The following GSTO1 variants were observed in gnomAD, a reference collection of about 807,000 sequenced individuals.
GSTO1 encodes the protein glutathione S-transferase omega 1.
GSTO1 carries 27 observed loss-of-function variants against 23.8 expected under a neutral mutation model. The ratio of observed to expected loss-of-function variants is 1.13; its 90% CI spans 0.83 to 1.56. The LOEUF is 1.56. GSTO1 is among the 40% of genes most tolerant of loss of function. The pLI is 0.00. For synonymous variants in GSTO1, 105 were observed against 109.3 expected (o/e 0.96, Z 0.25); for missense variants, 255 against 285.8 (o/e 0.89, Z 0.78).
chr10:104,267,241 T>C lies in GSTO1; in HGVS notation c.573-11T>C, dbSNP rs2011202914. On this transcript the variant is annotated splice_polypyrimidine_tract_variant and intron_variant, in intron 5 of 5. Coordinates refer to ENST00000369713, the MANE Select transcript of GSTO1 (RefSeq NM_004832.3). ...CTAGCTCACACCTTTCATTTTTTCC[T>C]CTTCCCACAGGTGTGTAGACCACAC... 1 of 1,596,830 alleles carries C rather than the reference T, an allele frequency of 6.3e-7. No individual in the cohort carries two copies. The highest frequency in any genetic ancestry group is 8.5e-7 in the Non-Finnish European group (1 of 1,170,984).
At chr10:104,264,699 A>C (rs12241913) in intron 4 of GSTO1, among the ~76,000 whole-genome samples, 11,233 of 152,274 alleles carry the variant, frequency 0.074, 1,390 homozygotes, top group African/African-American at 0.26. Context: ...TGAAAATATC[A>C]TAAGTGGAAA....
At chr10:104,254,760 C>CT (rs1455638631), upstream of GSTO1, 1 of 683,810 alleles carries the variant, frequency 1.5e-6, no homozygotes, top group East Asian at 2.7e-5. Context: ...GTTTTAAGGG[C>CT]TATCCCATAA....
At chr10:104,263,197 C>A in intron 4 of GSTO1, 120 bp downstream of exon 4, 1 of 532,264 alleles carries the variant, frequency 1.9e-6, no homozygotes, top group Non-Finnish European at 3.4e-6. Flanking sequence ...TAGGAAAATT[C>A]CCCTAAACAT....
chr10:104,255,321 C>CA (rs1300899754), intron 2 of GSTO1, 50 bp downstream of exon 2: 2 of 1,285,302 alleles, frequency 1.6e-6, no homozygotes, highest in Admixed American at 3.4e-5. Flanking sequence ...GAGCCTGCTG[C>CA]AGGCGGCGGG....
rs564793228 is a variant in GSTO1 at position 104,262,297 on chromosome 10, C to A, written c.367-682C>A. On this transcript the variant is annotated intron_variant, in intron 3 of 5. Coordinates refer to ENST00000369713, the MANE Select transcript of GSTO1 (RefSeq NM_004832.3). ...GCATCTGGTGCTCAGCTTGGACTGG[C>A]AGCAGTGAGTGCTTCCCATTAGGCC... Among the ~76,000 whole-genome samples, 5 of 152,326 alleles carry A rather than the reference C, an allele frequency of 3.3e-5. No homozygotes were observed. In the South Asian group the frequency reaches 1.0e-3, roughly 32 times the overall value.
Position 104,267,297 on chromosome 10 carries a change from G to C in GSTO1, c.618G>C (p.Met206Ile), listed in dbSNP as rs532141559. ...TPKLKLWMAA[M>I]KEDPTVSALL... ...AACTGAAACTGTGGATGGCAGCCAT[G>C]AAGGAAGATCCCACAGTCTCAGCCC... The change falls in exon 6 of 6, where the codon ATG becomes ATC. Residue 206 changes from methionine to isoleucine, a missense_variant. Physicochemically the swap from Met to Ile is conservative, Grantham distance 10. Coordinates refer to ENST00000369713, the MANE Select transcript of GSTO1 (RefSeq NM_004832.3). 6.2e-7 allele frequency: 1 copy of C among 1,613,488 alleles called. No homozygotes were observed. The highest frequency in any genetic ancestry group is 2.2e-5 in the East Asian group (1 of 44,876).
chr10:104,262,097 AT>A (rs1344090492), intron 3 of GSTO1, among the ~76,000 whole-genome samples: 1 of 152,220 alleles, frequency 6.6e-6, no homozygotes, highest in Non-Finnish European at 1.5e-5. Flanking sequence ...GCTTGGTGGG[AT>A]ATCTGCTTAA....
chr10:104,264,755 G>A (rs1030313019), intron 4 of GSTO1, among the ~76,000 whole-genome samples: 2 of 152,186 alleles, frequency 1.3e-5, no homozygotes, highest in Non-Finnish European at 2.9e-5. Flanking sequence ...GCTTAGCCTA[G>A]CCTGCTTTAA....
At chr10:104,255,314 C>G (rs1184787432) in intron 2 of GSTO1, 43 bp downstream of exon 2, 1 of 1,351,992 alleles carries the variant, frequency 7.4e-7, no homozygotes, top group Non-Finnish European at 1.1e-6. Context: ...CGTCCGGGAG[C>G]CTGCTGCAGG....
chr10:104,263,415 A>G (rs2011155029), intron 4 of GSTO1, among the ~76,000 whole-genome samples: 1 of 151,442 alleles, frequency 6.6e-6, no homozygotes. Flanking sequence ...TTGTCCATAT[A>G]TTTAAAAAAA....
chr10:104,254,617 A>C, upstream of GSTO1: 1 of 469,892 alleles, frequency 2.1e-6, no homozygotes, highest in South Asian at 2.1e-5. Context: ...TCAGACGTGG[A>C]GCCCCGTGGA....
At chr10:104,264,297 C>A (rs576492693) in intron 4 of GSTO1, among the ~76,000 whole-genome samples, 86 of 151,910 alleles carry the variant, frequency 5.7e-4, no homozygotes, top group Non-Finnish European at 1.1e-3. Context: ...AGTGTTGGTA[C>A]TTTTATATTT....
intron 2 of GSTO1, among the ~76,000 whole-genome samples, chr10:104,257,405 A>G (rs1002389383): frequency 2.6e-5 from 4 of 151,546 alleles, no homozygotes; most frequent in African/African-American, 9.7e-5. Context: ...CAGTGGTGCA[A>G]TCATGGCTCA....
intron 2 of GSTO1, 145 bp downstream of exon 2, chr10:104,255,416 A>G (rs542824584): frequency 2.5e-4 from 150 of 610,802 alleles, no homozygotes; most frequent in Non-Finnish European, 3.9e-4. Context: ...CCTTTGGAAA[A>G]TAGCAAGTTA....
At chr10:104,260,952 G>T (rs1218989749) in intron 3 of GSTO1, among the ~76,000 whole-genome samples, 1 of 152,186 alleles carries the variant, frequency 6.6e-6, no homozygotes, top group African/African-American at 2.4e-5. Flanking sequence ...TTACAAAGTA[G>T]TAACAAGTTA....
rs755722146 is a variant in GSTO1 at position 104,254,975 on chromosome 10, C to T, written c.34+13C>T. On this transcript the variant is annotated intron_variant, in intron 1 of 5. Coordinates refer to ENST00000369713, the MANE Select transcript of GSTO1 (RefSeq NM_004832.3). ...AGCTTGGGGAAGGGTGAGGCCTGCC[C>T]GCCGCGAAGAGGGGGTGATCTCGGC... 105 of 1,604,934 alleles carry T rather than the reference C, an allele frequency of 6.5e-5. 1 individual carries two copies. The South Asian group carries it at 1.1e-3, about 17-fold the overall frequency.
intron 2 of GSTO1, among the ~76,000 whole-genome samples, chr10:104,256,594 C>A (rs1016691371): frequency 2.0e-5 from 3 of 152,126 alleles, no homozygotes; most frequent in Non-Finnish European, 2.9e-5. Flanking sequence ...ATTAATAGAC[C>A]AGTTTTAAGC....
At chr10:104,255,305 G>A in intron 2 of GSTO1, 34 bp downstream of exon 2, 1 of 1,423,450 alleles carries the variant, frequency 7.0e-7, no homozygotes, top group Non-Finnish European at 9.9e-7. Flanking sequence ...TCCCCGAGCC[G>A]TCCGGGAGCC....
Position 104,259,752 on chromosome 10 carries a change from C to T in GSTO1, c.320C>T (p.Pro107Leu). Residue 107 changes from proline (P) to leucine (L), a missense_variant, in exon 3 of 6, where the codon CCC (proline) becomes CTC (leucine). By Grantham distance (98) the Pro-to-Leu change is moderately conservative. Transcript: ENST00000369713. The stretch of plus-strand genomic sequence containing the variant: ...GGGAAGAAGCTGTTGCCGGATGACC[C>T]CTATGAGAAAGCTTGCCAGAAGATG... ...YPGKKLLPDD[P>L]YEKACQKMIL... The T allele has an allele frequency of 6.2e-7, 1 of 1,613,864 alleles. No individual in the cohort carries two copies. The highest frequency in any genetic ancestry group is 8.5e-7 in the Non-Finnish European group (1 of 1,179,758).
Sources: gnomAD v4.1 joint callset for allele counts (sites outside exome capture counted in the v4.1 genomes callset) on GRCh38, gnomAD v4.1.1 for gene constraint, MANE v1.5 for transcripts, NCBI Gene and HGNC (gene_info 2026-07-23, HGNC 2026-07-21) for gene names.